The following UTP20 variants were observed in gnomAD, a reference collection of about 807,000 sequenced individuals.
UTP20 encodes the protein small subunit processome component 20 homolog.
In UTP20, 164 loss-of-function variants were observed where a neutral mutation model predicts 329.5. The ratio of observed to expected loss-of-function variants is 0.50; its 90% confidence interval spans 0.44 to 0.57. UTP20 has a LOEUF of 0.57. UTP20 is among the 20% of genes least tolerant of loss of function. UTP20 has a pLI of 0.00. For missense variants in UTP20, 3,055 were observed against 3,284.2 expected (o/e 0.93, Z 1.71); for synonymous variants, 1,151 against 1,159.3 (o/e 0.99, Z 0.14).
Position 101,344,700 on chromosome 12 carries a change from C to G in UTP20, c.4555C>G (p.His1519Asp). 1 of 1,613,534 alleles carries G rather than the reference C, an allele frequency of 6.2e-7. No homozygotes were observed. Residue 1519 changes from histidine (H) to aspartate (D), a missense_variant, in exon 36 of 62, where the codon CAC becomes GAC. Coordinates refer to ENST00000261637, the MANE Select transcript of UTP20 (RefSeq NM_014503.3). ...AGAGAAAGACTATAGAGAAATCATC[C>G]ACCGTTCACTCCTGGAGAAATTGAG... is the stretch of plus-strand genomic sequence containing the variant. ...VTEKDYREII[H>D]RSLLEKLRKG... is the part of the protein sequence containing the mutation.
chr12:101,374,402 T>TTTTTATCC (rs376238533), intron 54 of UTP20, among the ~76,000 whole-genome samples: 267 of 152,334 alleles, frequency 1.8e-3, no homozygotes, highest in African/African-American at 5.9e-3. Context: ...TGAAATGTAA[T>TTTTTATCC]TTTTATCCAC....
intron 29 of UTP20, among the ~76,000 whole-genome samples, chr12:101,337,217 T>C (rs927867311): frequency 6.6e-6 from 1 of 152,210 alleles, no homozygotes; most frequent in Non-Finnish European, 1.5e-5. Context: ...CCATGCACAG[T>C]ATTTGCTGGA....
chr12:101,283,551 C>T (rs965538455), intron 2 of UTP20, among the ~76,000 whole-genome samples: 1 of 152,120 alleles, frequency 6.6e-6, no homozygotes, highest in African/African-American at 2.4e-5. Context: ...TGCAAAAGGA[C>T]GTGACATGGT....
chr12:101,346,603 C>T lies in UTP20; in HGVS notation c.4884+15C>T. On this transcript the variant is annotated intron_variant, in intron 38 of 61. Transcript: ENST00000261637. ...AAATGCTCAAGGTAGGTCATTAGAT[C>T]TAGAAACCAAGGACCCTCTTCCCAT... is the stretch of plus-strand genomic sequence containing the variant. 6.4e-7 allele frequency: 1 copy of T among 1,566,174 alleles called. No homozygotes were observed. The highest frequency in any genetic ancestry group is 8.6e-7 in the Non-Finnish European group (1 of 1,159,882).
At position 101,369,762 on chromosome 12, in the gene UTP20, G is replaced by A; in HGVS notation, c.6426G>A (p.Arg2142=). The A allele has an allele frequency of 6.2e-7, 1 of 1,606,012 alleles. No homozygotes were observed. The highest frequency in any genetic ancestry group is 8.5e-7 in the Non-Finnish European group (1 of 1,172,772). The part of the protein sequence containing the change: ...GALQCLIWVL[R]FPLPSIETKA... ...TACAGTGCCTCATCTGGGTCTTGAG[G>A]TTCCCGCTACCTTCCATAGAAACAA... is the stretch of plus-strand genomic sequence containing the variant. The change falls in exon 49 of 62, where the codon AGG becomes AGA. Residue 2142 remains arginine, a synonymous_variant. Coordinates refer to ENST00000261637, the MANE Select transcript of UTP20 (RefSeq NM_014503.3).
At chr12:101,313,061 A>G (rs961461811) in intron 21 of UTP20, among the ~76,000 whole-genome samples, 8 of 152,182 alleles carry the variant, frequency 5.3e-5, no homozygotes, top group African/African-American at 1.7e-4. Context: ...GTTTCTGCCT[A>G]TGATGCTGAG....
chr12:101,312,329 G>T, intron 21 of UTP20, 53 bp downstream of exon 21: 11 of 1,594,752 alleles, frequency 6.9e-6, no homozygotes, highest in Non-Finnish European at 9.4e-6. Flanking sequence ...AGAAGAGAAT[G>T]TGAGAAGTAT....
chr12:101,376,287 G>A (rs1185705288), intron 56 of UTP20, among the ~76,000 whole-genome samples: 1 of 152,162 alleles, frequency 6.6e-6, no homozygotes, highest in Non-Finnish European at 1.5e-5. Flanking sequence ...AGTCCATTAT[G>A]TACATATGCC....
intron 14 of UTP20, among the ~76,000 whole-genome samples, chr12:101,300,873 A>G (rs535659841): frequency 4.7e-4 from 71 of 152,232 alleles, no homozygotes; most frequent in African/African-American, 1.7e-3. Flanking sequence ...GATTGTGGCG[A>G]CATATTAGGA....
intron 27 of UTP20, among the ~76,000 whole-genome samples, chr12:101,329,790 T>G (rs10860711): frequency 0.53 from 80,700 of 151,744 alleles, 22,781 homozygotes; most frequent in East Asian, 0.94. Context: ...GATCACTGGA[T>G]GCCAGGAGTT....
chr12:101,356,788 G>A, intron 42 of UTP20, 95 bp downstream of exon 42: 1 of 1,507,868 alleles, frequency 6.6e-7, no homozygotes, highest in Non-Finnish European at 8.9e-7. Flanking sequence ...AGAGGAAAAA[G>A]TACTGTCATA....
intron 37 of UTP20, among the ~76,000 whole-genome samples, chr12:101,345,966 A>C (rs1869309195): frequency 6.6e-6 from 1 of 152,160 alleles, no homozygotes; most frequent in Non-Finnish European, 1.5e-5. Context: ...TTGTTAAACA[A>C]ATGCTATGGA....
intron 8 of UTP20, 127 bp downstream of exon 8, chr12:101,291,015 C>A: frequency 9.9e-7 from 1 of 1,013,268 alleles, no homozygotes; most frequent in African/African-American, 1.7e-5. Context: ...CTTCTGTACA[C>A]ATATTAAAAT....
At chr12:101,373,023 T>C (rs574267956) in intron 52 of UTP20, 60 bp downstream of exon 52, 34 of 1,410,702 alleles carry the variant, frequency 2.4e-5, no homozygotes, top group Admixed American at 1.9e-4. Context: ...CCCTTTAACA[T>C]GGCGGCTGTC....
At chr12:101,349,455 C>G (rs1202247180) in intron 38 of UTP20, among the ~76,000 whole-genome samples, 1 of 151,074 alleles carries the variant, frequency 6.6e-6, no homozygotes, top group Non-Finnish European at 1.5e-5. Context: ...CTCTGTCACC[C>G]AGGCTGGAGT....
rs1868594241 is a variant in UTP20 at position 101,327,245 on chromosome 12, A to G, written c.3206A>G (p.Asn1069Ser). The G allele has an allele frequency of 6.3e-7, 1 of 1,588,084 alleles. No individual in the cohort carries two copies. Among genetic ancestry groups the G allele is most frequent in the Non-Finnish European group, 8.6e-7 (1 of 1,160,056 alleles). ...LLFEPVRHFKNGECHSAVIQA... is the reference protein window; with the variant it reads ...LLFEPVRHFKSGECHSAVIQA... ...TTTGAACCTGTGAGGCATTTCAAGA[A>G]TGGTAACTATCAGCTACCTCTCACT... is the stretch of plus-strand genomic sequence containing the variant. The change falls in exon 26 of 62, where the codon AAT (asparagine) becomes AGT (serine). Residue 1069 changes from asparagine to serine, a missense_variant and splice_region_variant. Asn to Ser is a conservative substitution (Grantham distance 46). Transcript: ENST00000261637.
Position 101,327,209 on chromosome 12 carries a change from T to C in UTP20, c.3170T>C (p.Leu1057Ser). 2 of 1,607,748 alleles carry C rather than the reference T, an allele frequency of 1.2e-6. No individual in the cohort carries two copies. Among genetic ancestry groups the C allele is most frequent in the South Asian group, 2.2e-5 (2 of 90,752 alleles). The change falls in exon 26 of 62, where the codon TTA becomes TCA. Residue 1057 changes from leucine to serine, a missense_variant. Physicochemically the swap from Leu to Ser is moderately radical, Grantham distance 145 (BLOSUM62 -2). Transcript: ENST00000261637. ...CAACCTGAGGAGATCCAGATATTCTTAGACCTGCTGTTTGAACCTGTGAGG... is the reference window on the plus strand; with the variant it reads ...CAACCTGAGGAGATCCAGATATTCTCAGACCTGCTGTTTGAACCTGTGAGG... ...GTQPEEIQIF[L>S]DLLFEPVRHF... is the part of the protein sequence containing the mutation.
chr12:101,287,182 G>A (rs1429203933), intron 5 of UTP20, among the ~76,000 whole-genome samples: 3 of 152,152 alleles, frequency 2.0e-5, no homozygotes, highest in African/African-American at 7.2e-5. Flanking sequence ...ACAGTAAATG[G>A]TGTATGCATG....
At chr12:101,356,219 C>T (rs1425227547) in intron 41 of UTP20, among the ~76,000 whole-genome samples, 3 of 152,172 alleles carry the variant, frequency 2.0e-5, no homozygotes, top group Non-Finnish European at 2.9e-5. Context: ...CTCCACCTCC[C>T]AGGTTCAAGC....
Sources: allele counts gnomAD v4.1 joint callset (sites outside exome capture counted in the v4.1 genomes callset), GRCh38; gene constraint gnomAD v4.1.1; transcripts MANE v1.5; gene names NCBI Gene and HGNC (gene_info 2026-07-23, HGNC 2026-07-21).